Variants in MBNL3 observed in about 807,000 individuals in gnomAD.
The protein encoded by MBNL3 is muscleblind-like protein 3.
A neutral mutation model predicts 24.5 loss-of-function variants in MBNL3; 6 were observed. The ratio of observed to expected loss-of-function variants is 0.25; its 90% CI spans 0.13 to 0.48. The LOEUF is 0.48. Ranked by LOEUF, MBNL3 falls within the 20% of genes least tolerant of loss-of-function variation. The probability of loss-of-function intolerance (pLI) is 0.99; values close to 1 mark genes in which losing one functional copy is unlikely to be tolerated. For missense variants in MBNL3, 230 were observed against 293.5 expected, an observed-to-expected ratio of 0.78 and a Z score of 1.58; for synonymous variants, 100 against 101.7, an observed-to-expected ratio of 0.98 and a Z score of 0.10.
At chrX:132,465,450 GGGTA>G (rs1005979215) in intron 1 of MBNL3, among the ~76,000 whole-genome samples, 1 of 112,055 alleles carries the variant, frequency 8.9e-6, no homozygotes, top group Non-Finnish European at 1.9e-5. Flanking sequence ...TTATAGCACA[GGGTA>G]TTGTGAGCAT....
intron 2 of MBNL3, among the ~76,000 whole-genome samples, chrX:132,434,641 T>A (rs949609910): frequency 1.8e-5 from 2 of 112,003 alleles, no homozygotes; most frequent in African/African-American, 3.2e-5. Flanking sequence ...AACCACATGA[T>A]CTCAGTCTAA....
chrX:132,421,973 A>C (rs779986739), intron 2 of MBNL3, among the ~76,000 whole-genome samples: 2 of 112,284 alleles, frequency 1.8e-5, no homozygotes, highest in African/African-American at 6.5e-5. Context: ...AATATCATTT[A>C]AATAAATTGG....
intron 3 of MBNL3, among the ~76,000 whole-genome samples, chrX:132,403,141 C>T (rs1204688740): frequency 9.0e-6 from 1 of 111,582 alleles, no homozygotes; most frequent in Non-Finnish European, 1.9e-5. Context: ...TCATATATTA[C>T]TTCTGTAATA....
intron 1 of MBNL3, among the ~76,000 whole-genome samples, chrX:132,458,603 A>G (rs1348942652): frequency 1.8e-5 from 2 of 109,980 alleles, no homozygotes; most frequent in African/African-American, 3.3e-5. Context: ...TTATAACAAC[A>G]CTCTCTCATG....
At chrX:132,409,139 C>T (rs1942332122) in intron 2 of MBNL3, among the ~76,000 whole-genome samples, 1 of 112,399 alleles carries the variant, frequency 8.9e-6, no homozygotes, top group Non-Finnish European at 1.9e-5. Flanking sequence ...TTTGTACACA[C>T]AACACTTGGT....
intron 1 of MBNL3, among the ~76,000 whole-genome samples, chrX:132,477,391 A>T (rs1369137869): frequency 4.4e-5 from 5 of 112,420 alleles, no homozygotes; most frequent in Non-Finnish European, 9.4e-5. Context: ...TTTAACATTT[A>T]AATATCTATA....
intron 2 of MBNL3, among the ~76,000 whole-genome samples, chrX:132,408,117 T>TACCAA (rs1370266445): frequency 5.6e-4 from 27 of 48,318 alleles, no homozygotes; most frequent in Non-Finnish European, 8.8e-4. Flanking sequence ...TTTTTTTTTT[T>TACCAA]TTTTTTTTTT....
intron 1 of MBNL3, among the ~76,000 whole-genome samples, chrX:132,487,082 A>T (rs1323167176): frequency 9.0e-6 from 1 of 111,410 alleles, no homozygotes; most frequent in South Asian, 3.8e-4. Flanking sequence ...AAAATTTCCT[A>T]ATTTCTCTGA....
At chrX:132,394,249 A>AT (rs1183840081) in intron 3 of MBNL3, among the ~76,000 whole-genome samples, 1 of 111,789 alleles carries the variant, frequency 8.9e-6, no homozygotes, top group Non-Finnish European at 1.9e-5. Flanking sequence ...AGCTCTTATG[A>AT]TGTAATAGAC....
chrX:132,474,476 T>C (rs1279519404), intron 1 of MBNL3, among the ~76,000 whole-genome samples: 1 of 111,552 alleles, frequency 9.0e-6, no homozygotes, highest in African/African-American at 3.3e-5. Flanking sequence ...TTTTTGGTTG[T>C]ACCTATCCCA....
chrX:132,486,665 G>A, intron 1 of MBNL3, among the ~76,000 whole-genome samples: 1 of 112,230 alleles, frequency 8.9e-6, no homozygotes, highest in East Asian at 2.8e-4. Flanking sequence ...CTATTCCACT[G>A]TGAGTTTATA....
At chrX:132,445,731 A>G (rs1945673955) in intron 1 of MBNL3, among the ~76,000 whole-genome samples, 1 of 111,829 alleles carries the variant, frequency 8.9e-6, no homozygotes, top group Non-Finnish European at 1.9e-5. Flanking sequence ...TTTTTTAAAA[A>G]GATGTGTCCA....
chrX:132,417,322 A>G (rs1372783989), intron 2 of MBNL3, among the ~76,000 whole-genome samples: 1 of 112,034 alleles, frequency 8.9e-6, no homozygotes. Context: ...AAATAGTGAT[A>G]AAGGGAGGCT....
chrX:132,462,319 C>T (rs1289447799), intron 1 of MBNL3, among the ~76,000 whole-genome samples: 2 of 112,274 alleles, frequency 1.8e-5, no homozygotes, highest in Non-Finnish European at 3.8e-5. Context: ...TATGTCTCTA[C>T]TTAAAAACCA....
intron 2 of MBNL3, among the ~76,000 whole-genome samples, chrX:132,421,838 G>A (rs746019037): frequency 9.0e-6 from 1 of 110,917 alleles, no homozygotes; most frequent in Non-Finnish European, 1.9e-5. Context: ...ATATTAAAAT[G>A]ATAACAAGAA....
intron 1 of MBNL3, among the ~76,000 whole-genome samples, chrX:132,466,587 G>C (rs769322792): frequency 2.7e-4 from 30 of 111,998 alleles, no homozygotes; most frequent in Non-Finnish European, 4.9e-4. Flanking sequence ...AGGGCCTTGG[G>C]AGGTTCCCTA....
At position 132,439,710 on chromosome X, in the gene MBNL3, T is replaced by C. The variant is rs938411657; in HGVS notation, c.-99A>G. On this transcript the variant is annotated 5_prime_UTR_variant, in exon 2 of 9. Coordinates refer to ENST00000370853, the MANE Select transcript of MBNL3 (RefSeq NM_001386889.1). ...TGAATTCAAACTAAGTGCGAAGAGA[T>C]AACAGGTTGCTTTGGTGAAATGTCT... 2.9e-6 allele frequency: 3 copies of C among 1,045,374 alleles called. No homozygotes were observed. The highest frequency in any genetic ancestry group is 2.5e-6 in the Non-Finnish European group (2 of 810,627). 86.2% of individuals were successfully genotyped at this position (1,045,374 alleles called of 1,213,427 possible).
intron 2 of MBNL3, among the ~76,000 whole-genome samples, chrX:132,414,435 C>A (rs1023997694): frequency 5.4e-5 from 6 of 111,738 alleles, no homozygotes; most frequent in African/African-American, 1.9e-4. Flanking sequence ...ATCATTTAGT[C>A]CAGCATTTGC....
chrX:132,483,252 A>C (rs1271057930), intron 1 of MBNL3, among the ~76,000 whole-genome samples: 1 of 112,045 alleles, frequency 8.9e-6, no homozygotes, highest in East Asian at 2.8e-4. Flanking sequence ...TACTTTTCAG[A>C]GGACGAATAC....
Sources: gnomAD v4.1 joint callset for allele counts (sites outside exome capture counted in the v4.1 genomes callset) on GRCh38, gnomAD v4.1.1 for gene constraint, MANE v1.5 for transcripts, NCBI Gene and HGNC (gene_info 2026-07-23, HGNC 2026-07-21) for gene names.